Variants in NOP58 observed in about 807,000 individuals in gnomAD.
NOP58 encodes nucleolar protein 58.
In NOP58, 44 loss-of-function variants were observed where a neutral mutation model predicts 71.2. The observed-to-expected ratio is 0.62, with a 90% CI of 0.49 to 0.79. The LOEUF (loss-of-function observed/expected upper bound fraction) is 0.79, where lower values mean the gene tolerates loss of function less well. Among genes scored for constraint, NOP58 ranks in the 30% least tolerant of loss-of-function variants. The probability of loss-of-function intolerance (pLI) is 0.00; values close to 1 mark genes in which losing one functional copy is unlikely to be tolerated. For missense variants in NOP58, 538 were observed against 620.2 expected (o/e 0.87, Z 1.41); for synonymous variants, 228 against 200.3 (o/e 1.14, Z -1.17).
At chr2:202,300,198 TG>T in intron 12 of NOP58, 35 bp from the exon 13 acceptor site, 3 of 1,527,798 alleles carry the variant, frequency 2.0e-6, no homozygotes, top group Non-Finnish European at 2.7e-6. Flanking sequence ...TCCAGATACT[TG>T]TTAGAGATTT....
chr2:202,272,930 C>T (rs557254625), intron 1 of NOP58, among the ~76,000 whole-genome samples: 21 of 152,144 alleles, frequency 1.4e-4, no homozygotes, highest in Non-Finnish European at 2.5e-4. Flanking sequence ...GTCAGGAGAT[C>T]GAGACTATCC....
At chr2:202,290,300 T>G (rs772662293) in intron 6 of NOP58, 23 bp from the exon 7 acceptor site, 1 of 1,566,010 alleles carries the variant, frequency 6.4e-7, no homozygotes, top group East Asian at 2.3e-5. Flanking sequence ...AAGTTTTGTT[T>G]GTTTGTTTTT....
At chr2:202,270,158 C>G (rs1275501338) in intron 1 of NOP58, among the ~76,000 whole-genome samples, 1 of 152,146 alleles carries the variant, frequency 6.6e-6, no homozygotes, top group African/African-American at 2.4e-5. Context: ...CACTTTGTTG[C>G]AAAAAGTTCT....
Position 202,302,943 on chromosome 2 carries a change from A to G in NOP58, c.1425A>G (p.Lys475=), listed in dbSNP as rs759962461. 3.7e-6 allele frequency: 6 copies of G among 1,605,688 alleles called. No homozygotes were observed. Among genetic ancestry groups the G allele is most frequent in the African/African-American group, 1.3e-5 (1 of 74,838 alleles). The change falls in exon 14 of 15, where the codon AAA becomes AAG. Residue 475 remains lysine (K), a synonymous_variant. Transcript: ENST00000264279. ...KVKVEEEEEE[K]VAEEEETSVK... is the part of the protein sequence containing the mutation. ...CAGTTGAAGAAGAGGAAGAAGAAAA[A>G]GTGGCAGAAGAAGAAGAAACATCTG... is the stretch of plus-strand genomic sequence containing the variant.
chr2:202,293,509 G>A (rs1037870795), intron 9 of NOP58, among the ~76,000 whole-genome samples: 1 of 152,150 alleles, frequency 6.6e-6, no homozygotes, highest in Admixed American at 6.5e-5. Context: ...TCATTTTTAT[G>A]TTACTTGGAG....
chr2:202,292,008 A>C (rs1158338550), intron 8 of NOP58, among the ~76,000 whole-genome samples: 1 of 44,636 alleles, frequency 2.2e-5, no homozygotes, highest in Non-Finnish European at 4.4e-5. Flanking sequence ...TTTTTTTGAG[A>C]CAGAGTCTCA....
At chr2:202,281,024 T>C (rs1688692603) in intron 3 of NOP58, among the ~76,000 whole-genome samples, 1 of 152,042 alleles carries the variant, frequency 6.6e-6, no homozygotes, top group Non-Finnish European at 1.5e-5. Flanking sequence ...CGAATGGATA[T>C]ACGATCAGGA....
chr2:202,265,793 C>G lies in NOP58; in HGVS notation c.-149C>G, dbSNP rs1045497227. The G allele has an allele frequency of 2.3e-5, 18 of 778,470 alleles. No homozygotes were observed. The highest frequency in any genetic ancestry group is 2.2e-4 in the South Asian group (14 of 64,628). 48.2% of individuals were successfully genotyped at this position (778,470 alleles called of 1,614,324 possible). On this transcript the variant is annotated 5_prime_UTR_variant, in exon 1 of 15. Coordinates refer to ENST00000264279, the MANE Select transcript of NOP58 (RefSeq NM_015934.5). ...TCCAGTACAGCGTGGAGGGTTTAGG[C>G]AGCGTGTTCTGATTCTTTGCGGGAC...
At chr2:202,275,507 A>G in intron 2 of NOP58, 1 of 208,864 alleles carries the variant, frequency 4.8e-6, no homozygotes, top group South Asian at 1.3e-4. Context: ...TGTCTTCCAC[A>G]CACAAATGTA....
chr2:202,300,820 A>G (rs1322722384), intron 13 of NOP58, among the ~76,000 whole-genome samples: 1 of 152,182 alleles, frequency 6.6e-6, no homozygotes, highest in Non-Finnish European at 1.5e-5. Context: ...ACAGGTGCTC[A>G]CCAGTTAACT....
intron 13 of NOP58, 124 bp downstream of exon 13, chr2:202,300,491 GT>G: frequency 1.4e-6 from 1 of 702,978 alleles, no homozygotes; most frequent in Non-Finnish European, 2.4e-6. Context: ...CGCTAATGGT[GT>G]TTTAATAATG....
chr2:202,278,233 A>T (rs1688639508), intron 3 of NOP58: 1 of 613,184 alleles, frequency 1.6e-6, no homozygotes, highest in African/African-American at 1.8e-5. Flanking sequence ...CCCATGTGTG[A>T]GGAGAGGTGA....
intron 4 of NOP58, 22 bp from the exon 5 acceptor site, chr2:202,284,323 A>G (rs768842835): frequency 8.4e-6 from 13 of 1,544,328 alleles, no homozygotes; most frequent in Admixed American, 2.0e-5. Context: ...TTAATTTAAT[A>G]TAGATGTTCA....
intron 6 of NOP58, among the ~76,000 whole-genome samples, chr2:202,289,592 G>A (rs1297291567): frequency 1.3e-5 from 2 of 152,044 alleles, no homozygotes; most frequent in Non-Finnish European, 2.9e-5. Context: ...TTTGGGTAAC[G>A]TACACCCAGC....
chr2:202,295,081 G>A (rs972624174), intron 9 of NOP58, among the ~76,000 whole-genome samples: 7 of 152,214 alleles, frequency 4.6e-5, no homozygotes, highest in Admixed American at 2.6e-4. Context: ...AGATAGAGAT[G>A]ATTCATGTCC....
In NOP58 at chr2:202,303,606, A is replaced by G. The variant is rs1689129455; in HGVS notation, c.*170A>G. The G allele has an allele frequency of 1.4e-6, 1 of 740,016 alleles. No individual in the cohort carries two copies. The highest frequency in any genetic ancestry group is 2.0e-6 in the Non-Finnish European group (1 of 503,388). The allele number at this position is 740,016 out of a possible 1,614,324, so 45.8% of individuals were successfully genotyped here. On this transcript the variant is annotated 3_prime_UTR_variant, in exon 15 of 15. Transcript: ENST00000264279. The stretch of plus-strand genomic sequence containing the variant: ...TCTTGACATCAACTCTGTTAACCTT[A>G]TGTCATCATTTCTTAGAGTCTTTGA...
intron 3 of NOP58, among the ~76,000 whole-genome samples, chr2:202,279,881 G>A (rs968512355): frequency 6.6e-6 from 1 of 152,174 alleles, no homozygotes; most frequent in African/African-American, 2.4e-5. Flanking sequence ...CCCAGTCTAA[G>A]CTCCATGAGG....
At chr2:202,286,181 C>CAAAA (rs1008544993) in intron 5 of NOP58, among the ~76,000 whole-genome samples, 46 of 45,632 alleles carry the variant, frequency 1.0e-3, no homozygotes, top group African/African-American at 3.6e-3. Flanking sequence ...GACTCCATCT[C>CAAAA]AAAAAAAAAA....
intron 8 of NOP58, 126 bp downstream of exon 8, chr2:202,291,396 AG>A (rs1465439828): frequency 1.6e-6 from 1 of 617,996 alleles, no homozygotes; most frequent in East Asian, 2.8e-5. Context: ...GAGGGTGTTC[AG>A]TCACTACCTC....
Sources: gnomAD v4.1 joint callset for allele counts (sites outside exome capture counted in the v4.1 genomes callset) on GRCh38, gnomAD v4.1.1 for gene constraint, MANE v1.5 for transcripts, NCBI Gene and HGNC (gene_info 2026-07-23, HGNC 2026-07-21) for gene names.